Variants in MACROD2 observed in about 807,000 individuals in gnomAD.
MACROD2 encodes ADP-ribose glycohydrolase MACROD2.
In MACROD2, 36 loss-of-function variants were observed where a neutral mutation model predicts 70.4. The ratio of observed to expected loss-of-function variants is 0.51; its 90% CI spans 0.39 to 0.68. The LOEUF (loss-of-function observed/expected upper bound fraction) is 0.68, where lower values mean the gene tolerates loss of function less well. Among genes scored for constraint, MACROD2 ranks in the 30% least tolerant of loss-of-function variants. The probability of loss-of-function intolerance (pLI) is 0.00; values close to 1 mark genes in which losing one functional copy is unlikely to be tolerated. For synonymous variants in MACROD2, 172 were observed against 178.8 expected, an observed-to-expected ratio of 0.96 and a Z score of 0.30; for missense variants, 496 against 538.4, an observed-to-expected ratio of 0.92 and a Z score of 0.78.
chr20:15,272,409 T>A (rs1414541086), intron 6 of MACROD2, among the ~76,000 whole-genome samples: 6 of 152,248 alleles, frequency 3.9e-5, no homozygotes, highest in African/African-American at 1.4e-4. Context: ...TGTAAGAGGC[T>A]ATTTCCTTGG....
intron 15 of MACROD2, among the ~76,000 whole-genome samples, chr20:15,995,526 A>G (rs1025005224): frequency 1.3e-5 from 2 of 149,160 alleles, no homozygotes; most frequent in African/African-American, 2.5e-5. Context: ...ATTTTTTTGT[A>G]TTTTTAGTAG....
chr20:14,432,773 G>A (rs2084009290), intron 3 of MACROD2, among the ~76,000 whole-genome samples: 1 of 152,018 alleles, frequency 6.6e-6, no homozygotes, highest in South Asian at 2.1e-4. Flanking sequence ...GAATATTTCT[G>A]CAGTTTCTAA....
intron 3 of MACROD2, among the ~76,000 whole-genome samples, chr20:14,412,957 TA>T (rs1454943895): frequency 1.3e-5 from 2 of 152,162 alleles, no homozygotes; most frequent in African/African-American, 4.8e-5. Context: ...AAGACTGTAA[TA>T]AGCAGAAATT....
At chr20:14,120,361 G>A (rs551115634) in intron 3 of MACROD2, among the ~76,000 whole-genome samples, 3 of 152,084 alleles carry the variant, frequency 2.0e-5, no homozygotes, top group African/African-American at 7.2e-5. Flanking sequence ...TTATTAAAAA[G>A]TCAGGAAACA....
At chr20:14,844,978 T>C (rs1003271486) in intron 5 of MACROD2, among the ~76,000 whole-genome samples, 1 of 152,104 alleles carries the variant, frequency 6.6e-6, no homozygotes, top group African/African-American at 2.4e-5. Flanking sequence ...TCCATGGCCT[T>C]AAATGCCTTC....
At chr20:14,001,554 T>G (rs1233120135) in intron 1 of MACROD2, among the ~76,000 whole-genome samples, 1 of 152,094 alleles carries the variant, frequency 6.6e-6, no homozygotes, top group Non-Finnish European at 1.5e-5. Flanking sequence ...CTTACTGTGT[T>G]AGACTGTTCT....
intron 5 of MACROD2, among the ~76,000 whole-genome samples, chr20:15,112,986 G>GTT (rs1436679689): frequency 5.3e-5 from 8 of 151,434 alleles, no homozygotes; most frequent in Non-Finnish European, 1.2e-4. Flanking sequence ...GTGTGTTTGT[G>GTT]TGTGTATTTA....
chr20:14,061,592 T>C (rs371165680), intron 2 of MACROD2, among the ~76,000 whole-genome samples: 2 of 152,254 alleles, frequency 1.3e-5, no homozygotes, highest in East Asian at 3.9e-4. Context: ...AGGACAGATG[T>C]GTATTTCCAC....
At chr20:14,158,440 A>T (rs1182529684) in intron 3 of MACROD2, among the ~76,000 whole-genome samples, 1 of 151,952 alleles carries the variant, frequency 6.6e-6, no homozygotes, top group Non-Finnish European at 1.5e-5. Context: ...CATGTAGCTT[A>T]ATGTCTCTAT....
intron 5 of MACROD2, among the ~76,000 whole-genome samples, chr20:15,063,074 T>G (rs2075545556): frequency 6.6e-6 from 1 of 152,164 alleles, no homozygotes; most frequent in South Asian, 2.1e-4. Flanking sequence ...AGCAAACTCA[T>G]GCAGCTTTAT....
At chr20:15,068,842 TA>T (rs2075597709) in intron 5 of MACROD2, among the ~76,000 whole-genome samples, 1 of 152,192 alleles carries the variant, frequency 6.6e-6, no homozygotes, top group African/African-American at 2.4e-5. Flanking sequence ...GGCATTGCTG[TA>T]AAGATACTTG....
chr20:15,435,417 A>T (rs1386418505), intron 7 of MACROD2, among the ~76,000 whole-genome samples: 1 of 152,154 alleles, frequency 6.6e-6, no homozygotes, highest in African/African-American at 2.4e-5. Context: ...GAATTGTTAG[A>T]TCATATTATA....
intron 8 of MACROD2, among the ~76,000 whole-genome samples, chr20:15,847,307 A>G (rs1409344350): frequency 6.6e-6 from 1 of 152,228 alleles, no homozygotes; most frequent in Non-Finnish European, 1.5e-5. Context: ...TTAGGAATGT[A>G]TCTCTCTAAG....
chr20:14,498,194 G>C (rs1283003089), intron 4 of MACROD2, among the ~76,000 whole-genome samples: 3 of 151,622 alleles, frequency 2.0e-5, no homozygotes, highest in Non-Finnish European at 4.4e-5. Context: ...ATTATAACCT[G>C]GGTGATAGGT....
chr20:15,116,362 G>T (rs2075991814), intron 5 of MACROD2, among the ~76,000 whole-genome samples: 2 of 152,134 alleles, frequency 1.3e-5, no homozygotes, highest in Admixed American at 6.6e-5. Context: ...TTGTAATTAG[G>T]CCAGTCACGG....
At chr20:15,009,375 G>A (rs2075064112) in intron 5 of MACROD2, among the ~76,000 whole-genome samples, 1 of 152,130 alleles carries the variant, frequency 6.6e-6, no homozygotes, top group African/African-American at 2.4e-5. Flanking sequence ...AAAGATTGCT[G>A]TGGGATTATG....
intron 3 of MACROD2, among the ~76,000 whole-genome samples, chr20:14,280,483 A>G (rs1195839876): frequency 6.6e-6 from 1 of 152,164 alleles, no homozygotes; most frequent in Non-Finnish European, 1.5e-5. Context: ...TGGTAGAGGA[A>G]TGCCACCTAG....
chr20:14,879,007 T>A (rs2073581641), intron 5 of MACROD2, among the ~76,000 whole-genome samples: 1 of 152,160 alleles, frequency 6.6e-6, no homozygotes, highest in African/African-American at 2.4e-5. Flanking sequence ...CCAGATGTAA[T>A]CTCTTCTCTC....
chr20:14,468,003 A>G (rs1201967286), intron 3 of MACROD2, among the ~76,000 whole-genome samples: 1 of 151,996 alleles, frequency 6.6e-6, no homozygotes, highest in Admixed American at 6.6e-5. Flanking sequence ...GTTCTTTTGC[A>G]TTTACTGATG....
Sources: gnomAD v4.1 joint callset for allele counts (sites outside exome capture counted in the v4.1 genomes callset) on GRCh38, gnomAD v4.1.1 for gene constraint, MANE v1.5 for transcripts, NCBI Gene and HGNC (gene_info 2026-07-23, HGNC 2026-07-21) for gene names.